Variants in COL23A1 observed in about 807,000 individuals in gnomAD.
COL23A1 encodes collagen alpha-1(XXIII) chain.
In COL23A1, 97 loss-of-function variants were observed where a neutral mutation model predicts 99.3. The observed-to-expected ratio is 0.98, with a 90% CI of 0.83 to 1.16. The LOEUF is 1.16. Among genes scored for constraint, COL23A1 ranks in the 50% most tolerant of loss-of-function variants. COL23A1 has a pLI of 0.00. For missense variants in COL23A1, 762 were observed against 757.4 expected (o/e 1.01, Z -0.07); for synonymous variants, 320 against 308.2 (o/e 1.04, Z -0.40).
chr5:178,312,175 C>T (rs113531779), intron 2 of COL23A1, among the ~76,000 whole-genome samples: 24 of 152,176 alleles, frequency 1.6e-4, no homozygotes, highest in Non-Finnish European at 2.9e-4. Flanking sequence ...AGGGCAGCCC[C>T]GTGGGAAGCC....
At chr5:178,337,287 T>A (rs138876875) in intron 2 of COL23A1, among the ~76,000 whole-genome samples, 3,064 of 152,342 alleles carry the variant, frequency 0.02, 40 homozygotes, top group South Asian at 0.049. Context: ...CCTGTCCCGG[T>A]GATCCCCGGC....
chr5:178,568,224 A>G (rs1562098045), intron 1 of COL23A1, among the ~76,000 whole-genome samples: 1 of 152,254 alleles, frequency 6.6e-6, no homozygotes, highest in Non-Finnish European at 1.5e-5. Flanking sequence ...GAAGACTGAG[A>G]AATGGTCATA....
intron 2 of COL23A1, among the ~76,000 whole-genome samples, chr5:178,516,145 C>T (rs932805716): frequency 1.3e-5 from 2 of 152,216 alleles, no homozygotes; most frequent in Admixed American, 6.5e-5. Flanking sequence ...TTCCACCACC[C>T]TACCCCTCTT....
chr5:178,512,116 T>C (rs1490544272), intron 2 of COL23A1, among the ~76,000 whole-genome samples: 1 of 152,212 alleles, frequency 6.6e-6, no homozygotes, highest in Non-Finnish European at 1.5e-5. Context: ...TGAACATGGC[T>C]CTTCACTATA....
chr5:178,331,519 C>T (rs990312825), intron 2 of COL23A1, among the ~76,000 whole-genome samples: 3 of 152,254 alleles, frequency 2.0e-5, no homozygotes, highest in African/African-American at 7.2e-5. Flanking sequence ...CGGCCAGGTG[C>T]CTCAGAGCCC....
At position 178,246,422 on chromosome 5, in the gene COL23A1, G is replaced by A. The variant is rs199858752; in HGVS notation, c.1328C>T (p.Ala443Val). The A allele has an allele frequency of 3.3e-5, 52 of 1,578,798 alleles. No individual in the cohort carries two copies. The East Asian group carries it at 8.3e-4, about 25-fold the overall frequency. ...GCCGCTGGGGCCTCTCTCACCCGAC[G>A]CACCCTTCTCTCCCTTTGCTCCATC... ...GLDGAKGEKG[A>V]SGERGPSGLP... Residue 443 changes from alanine (A) to valine (V), a missense_variant, in exon 23 of 29, where the codon GCG becomes GTG. Transcript: ENST00000390654.
chr5:178,535,464 T>C (rs2113260198), intron 2 of COL23A1, among the ~76,000 whole-genome samples: 1 of 152,352 alleles, frequency 6.6e-6, no homozygotes, highest in African/African-American at 2.4e-5. Context: ...AGACAAGGAC[T>C]CTGAAGGCGC....
At chr5:178,585,912 A>T (rs1171926538) in intron 1 of COL23A1, among the ~76,000 whole-genome samples, 4 of 152,228 alleles carry the variant, frequency 2.6e-5, no homozygotes, top group Non-Finnish European at 2.9e-5. Flanking sequence ...CGACCCTGTG[A>T]CCTAGCTCTG....
Position 178,553,999 on chromosome 5 carries a change from A to G in COL23A1, c.361+6683T>C, listed in dbSNP as rs533753548. ...TTGATCCTCAAAACCATCCCATGAC[A>G]CAGCTACTCTCAGAAACCCCACTTC... On this transcript the variant is annotated intron_variant, in intron 2 of 28. Transcript: ENST00000390654. Among the ~76,000 whole-genome samples, 11 of 152,242 alleles carry G rather than the reference A, an allele frequency of 7.2e-5. 1 individual carries two copies. The South Asian group carries it at 2.3e-3, about 32-fold the overall frequency.
At chr5:178,533,446 C>T (rs1760761816) in intron 2 of COL23A1, among the ~76,000 whole-genome samples, 1 of 152,192 alleles carries the variant, frequency 6.6e-6, no homozygotes, top group Admixed American at 6.5e-5. Flanking sequence ...TTGCGACTGG[C>T]TTATTTCACT....
chr5:178,556,329 T>C (rs1243320860), intron 2 of COL23A1, among the ~76,000 whole-genome samples: 1 of 151,958 alleles, frequency 6.6e-6, no homozygotes, highest in East Asian at 1.9e-4. Flanking sequence ...TACTTTAAAA[T>C]TAGTTGAAAT....
chr5:178,543,515 A>C (rs1302996572), intron 2 of COL23A1, among the ~76,000 whole-genome samples: 1 of 152,188 alleles, frequency 6.6e-6, no homozygotes, highest in Non-Finnish European at 1.5e-5. Context: ...AGGCGTGTTC[A>C]GTTATGAAAT....
chr5:178,453,787 C>T (rs902669633), intron 2 of COL23A1, among the ~76,000 whole-genome samples: 7 of 151,574 alleles, frequency 4.6e-5, no homozygotes, highest in Middle Eastern at 6.8e-3. Flanking sequence ...CAGTAGCAGA[C>T]GAGGAATTCA....
At chr5:178,296,574 T>C (rs1210654699) in intron 3 of COL23A1, among the ~76,000 whole-genome samples, 1 of 151,986 alleles carries the variant, frequency 6.6e-6, no homozygotes, top group African/African-American at 2.4e-5. Flanking sequence ...TTTTTTTTCC[T>C]ACCACAGAAA....
Position 178,366,259 on chromosome 5 carries a change from A to G in COL23A1, c.362-59340T>C, listed in dbSNP as rs1386427579. On this transcript the variant is annotated intron_variant, in intron 2 of 28. Coordinates refer to ENST00000390654, the MANE Select transcript of COL23A1 (RefSeq NM_173465.4). This position sits in a 1 kb window ranked among gnomAD's most constrained non-coding sequence, Gnocchi z 4.4. ...TGCTCCCAGCCCAGCTTGGCTGTCC[A>G]GTGGGGAGGGGCACCGCTGCCTTGC... Among the ~76,000 whole-genome samples, 1 of 152,146 alleles carries G rather than the reference A, an allele frequency of 6.6e-6. No individual in the cohort carries two copies. The highest frequency in any genetic ancestry group is 2.4e-5 in the African/African-American group (1 of 41,438).
chr5:178,370,406 C>T (rs1197286525), intron 2 of COL23A1, among the ~76,000 whole-genome samples: 1 of 151,994 alleles, frequency 6.6e-6, no homozygotes, highest in African/African-American at 2.4e-5. Flanking sequence ...GTGAAATAAG[C>T]CAGGCACAGA....
At chr5:178,343,287 G>A (rs112016956) in intron 2 of COL23A1, among the ~76,000 whole-genome samples, 1 of 150,700 alleles carries the variant, frequency 6.6e-6, no homozygotes. Flanking sequence ...GAGAAAGAGA[G>A]TGACAGGATG....
chr5:178,259,808 C>A (rs1021265515), intron 11 of COL23A1, 61 bp from the exon 12 acceptor site: 2 of 1,501,438 alleles, frequency 1.3e-6, no homozygotes, highest in South Asian at 1.3e-5. Context: ...TGGCCCGGAC[C>A]CCGGACCTCT....
In COL23A1 at chr5:178,250,102, C is replaced by T. The variant is rs977464239; in HGVS notation, c.1018G>A (p.Glu340Lys). The change falls in exon 18 of 29, where the codon GAG (glutamate) becomes AAG (lysine). Residue 340 changes from glutamate to lysine, a missense_variant. Glu to Lys is a moderately conservative substitution (Grantham distance 56, BLOSUM62 1). Transcript: ENST00000390654. Reference protein sequence around the residue: ...GPPGIPGAKGELGLPGAPGID... With the variant: ...GPPGIPGAKGKLGLPGAPGID... ...CCTGGGGCACCGGGCAATCCAAGCT[C>T]GCCCTGGAAGGGAAGAGATGGCAAG... 21 of 1,614,044 alleles carry T rather than the reference C, an allele frequency of 1.3e-5. No homozygotes were observed. Among genetic ancestry groups the T allele is most frequent in the African/African-American group, 6.7e-5 (5 of 74,928 alleles).
Sources: allele counts gnomAD v4.1 joint callset (sites outside exome capture counted in the v4.1 genomes callset), GRCh38; gene constraint gnomAD v4.1.1; non-coding constraint Gnocchi (gnomAD v3.1); transcripts MANE v1.5; gene names NCBI Gene and HGNC (gene_info 2026-07-23, HGNC 2026-07-21).